The following GPM6B variants were observed in gnomAD, a reference collection of about 807,000 sequenced individuals.
The protein encoded by GPM6B is neuronal membrane glycoprotein M6-b.
A neutral mutation model predicts 27.2 loss-of-function variants in GPM6B; 4 were observed. The observed-to-expected ratio is 0.15, with a 90% CI of 0.07 to 0.34. GPM6B has a LOEUF of 0.34. GPM6B is among the 10% of genes least tolerant of loss of function. GPM6B has a pLI of 1.00. For missense variants in GPM6B, 183 were observed against 261.9 expected, an observed-to-expected ratio of 0.70 and a Z score of 2.08; for synonymous variants, 124 against 103.1, an observed-to-expected ratio of 1.20 and a Z score of -1.23.
chrX:13,877,757 G>T (rs781757187), intron 1 of GPM6B, among the ~76,000 whole-genome samples: 3 of 91,626 alleles, frequency 3.3e-5, no homozygotes, highest in Admixed American at 1.4e-4. Flanking sequence ...GCCTAGGGAG[G>T]TTGAGGCTGC....
rs1007328195 is a variant in GPM6B, at chrX:13,773,113, C to A, written c.838-83G>T. On this transcript the variant is annotated intron_variant, in intron 7 of 7. Transcript: ENST00000316715. The stretch of plus-strand genomic sequence containing the variant: ...CGCTAGTTAGATTAGACAGACTTGA[C>A]TTTAAAGGGGCGAAGGTTAATTCTG... The A allele has an allele frequency of 1.4e-5, 12 of 873,099 alleles. No individual in the cohort carries two copies. The African/African-American group carries it at 1.8e-4, about 13-fold the overall frequency. The allele number at this position is 873,099 out of a possible 1,213,427, so 72.0% of individuals were successfully genotyped here. A position where few individuals can be genotyped will look rare whatever the true frequency, so the allele number is the denominator to read the frequency against.
rs1371643747 is a variant in GPM6B, at chrX:13,930,968, G to T, written c.-198+7359C>A. On this transcript the variant is annotated intron_variant, in intron 1 of 6. Transcript: ENST00000398361. ...GGAGGCTGAGGCAGGCAGATCACCTGAAGTCAGTAGCTCAAGACCAGCCTG... is the reference window on the plus strand; with the variant it reads ...GGAGGCTGAGGCAGGCAGATCACCTTAAGTCAGTAGCTCAAGACCAGCCTG... Among the ~76,000 whole-genome samples, 3 of 111,672 alleles carry T rather than the reference G, an allele frequency of 2.7e-5. No homozygotes were observed. In the South Asian group the frequency reaches 1.1e-3, roughly 42 times the overall value.
chrX:13,927,919 T>G lies in GPM6B; in HGVS notation c.-198+10408A>C, dbSNP rs1294795592. On this transcript the variant is annotated intron_variant, in intron 1 of 6. Transcript: ENST00000398361. The stretch of plus-strand genomic sequence containing the variant: ...CAAAGTCCTTCTCACAGCTGCTGTG[T>G]CAATGCTTTCCACTTAAAATAGAGG... Among the ~76,000 whole-genome samples the G allele has an allele frequency of 2.7e-5, 3 of 112,252 alleles. No homozygotes were observed. The South Asian group carries it at 1.1e-3, about 42-fold the overall frequency.
intron 1 of GPM6B, among the ~76,000 whole-genome samples, chrX:13,916,595 G>C (rs2050430732): frequency 1.8e-5 from 2 of 110,208 alleles, no homozygotes. Context: ...CAAGCTATTG[G>C]ATGGAAACTA....
intron 1 of GPM6B, among the ~76,000 whole-genome samples, chrX:13,894,417 T>C (rs777146421): frequency 8.9e-6 from 1 of 112,169 alleles, no homozygotes; most frequent in Non-Finnish European, 1.9e-5. Context: ...AGCTAGACAA[T>C]AGAAGTTTAT....
At chrX:13,832,165 A>C (rs1370327831) in intron 1 of GPM6B, among the ~76,000 whole-genome samples, 2 of 111,774 alleles carry the variant, frequency 1.8e-5, no homozygotes, top group East Asian at 2.8e-4. Context: ...AGGTGATCTG[A>C]GTGAGCATGT....
At chrX:13,781,762 TC>T (rs1422787307) in intron 4 of GPM6B, among the ~76,000 whole-genome samples, 15 of 111,919 alleles carry the variant, frequency 1.3e-4, no homozygotes, top group African/African-American at 4.5e-4. Flanking sequence ...GTCTCACGTC[TC>T]CCTAAAATGT....
intron 1 of GPM6B, among the ~76,000 whole-genome samples, chrX:13,902,187 G>A (rs1285043054): frequency 9.0e-6 from 1 of 111,702 alleles, no homozygotes; most frequent in African/African-American, 3.3e-5. Context: ...ATACAAATAA[G>A]ATCCCATTTA....
upstream of GPM6B, chrX:13,817,237 G>A (rs1369471943): frequency 2.4e-6 from 2 of 837,241 alleles, no homozygotes; most frequent in Middle Eastern, 5.6e-4. Context: ...GGGGGGTGGG[G>A]GAGAAGGACC....
intron 1 of GPM6B, among the ~76,000 whole-genome samples, chrX:13,890,114 C>G (rs779208997): frequency 9.0e-6 from 1 of 111,000 alleles, no homozygotes; most frequent in South Asian, 3.8e-4. Context: ...GATACGAGGT[C>G]GGCACAAGAT....
At chrX:13,928,361 C>T (rs1302004901) in intron 1 of GPM6B, among the ~76,000 whole-genome samples, 4 of 112,436 alleles carry the variant, frequency 3.6e-5, no homozygotes, top group African/African-American at 1.3e-4. Flanking sequence ...AATGAGTTTA[C>T]GATATTTGTG....
chrX:13,773,273 T>G (rs2048335206), intron 7 of GPM6B: 1 of 271,073 alleles, frequency 3.7e-6, no homozygotes, highest in Admixed American at 6.3e-5. Context: ...GCCAAAGGTA[T>G]TGTTAAGAAA....
At chrX:13,929,363 G>A (rs1418093318) in intron 1 of GPM6B, among the ~76,000 whole-genome samples, 2 of 109,783 alleles carry the variant, frequency 1.8e-5, no homozygotes, top group African/African-American at 6.6e-5. Context: ...CTCCAAGGAA[G>A]AATGACTTAG....
Position 13,859,937 on chromosome X carries a change from C to T in GPM6B, c.-197-74129G>A, listed in dbSNP as rs746163410. 1.3e-4 allele frequency among the ~76,000 whole-genome samples: 14 copies of T among 111,929 alleles called. No homozygotes were observed. In the East Asian group the frequency reaches 3.1e-3, roughly 24 times the overall value. ...GAATAGGGCACCTCACTAATGTATG[C>T]CTGTCAGTTGCATCATTCCTTTTCT... On this transcript the variant is annotated intron_variant, in intron 1 of 6. Transcript: ENST00000398361.
rs1450304512 is a variant in GPM6B, at chrX:13,804,899, G to A, written c.181+2751C>T. 9.0e-5 allele frequency among the ~76,000 whole-genome samples: 10 copies of A among 110,672 alleles called. No homozygotes were observed. The East Asian group carries it at 1.7e-3, about 19-fold the overall frequency. ...GGAGATCTAAGTATAGAATGGCAAC[G>A]GCATTGATTTAGGACCCAACAAAAT... On this transcript the variant is annotated intron_variant, in intron 2 of 7. Coordinates refer to ENST00000316715, the MANE Select transcript of GPM6B (RefSeq NM_001001995.3).
chrX:13,812,763 A>G (rs1319189335), intron 1 of GPM6B: 1 of 111,482 alleles, frequency 9.0e-6, no homozygotes, highest in African/African-American at 3.3e-5. Context: ...AGGGAAGGCA[A>G]ATCTAAATTT....
chrX:13,806,553 G>A (rs1201238855), intron 2 of GPM6B, among the ~76,000 whole-genome samples: 1 of 111,882 alleles, frequency 8.9e-6, no homozygotes, highest in African/African-American at 3.3e-5. Context: ...ACAGATGAAG[G>A]AATGCATAAC....
In GPM6B at chrX:13,846,849, T is replaced by C. The variant is rs1004137834; in HGVS notation, c.-197-61041A>G. Among the ~76,000 whole-genome samples the C allele has an allele frequency of 6.8e-5, 7 of 102,862 alleles. No homozygotes were observed. In the South Asian group the frequency reaches 1.5e-3, roughly 21 times the overall value. 89.3% of individuals were successfully genotyped at this position (102,862 alleles called of 115,157 possible). A position where few individuals can be genotyped will look rare whatever the true frequency, so the allele number is the denominator to read the frequency against. On this transcript the variant is annotated intron_variant, in intron 1 of 6. Coordinates refer to the GPM6B transcript ENST00000398361. ...TTTGCCTAATCATCTTTCCTATTAC[T>C]GACACATGTTTTAGGCAAACATCAT...
intron 1 of GPM6B, among the ~76,000 whole-genome samples, chrX:13,936,119 T>A (rs1376745118): frequency 2.7e-5 from 3 of 111,780 alleles, no homozygotes; most frequent in Non-Finnish European, 5.6e-5. Flanking sequence ...TAGATAGTAG[T>A]GATGGCTGCA....
Sources: allele counts gnomAD v4.1 joint callset (sites outside exome capture counted in the v4.1 genomes callset), GRCh38; gene constraint gnomAD v4.1.1; transcripts MANE v1.5; gene names NCBI Gene and HGNC (gene_info 2026-07-23, HGNC 2026-07-21).